Variants in OSBPL10 observed in about 807,000 individuals in gnomAD.
OSBPL10 encodes oxysterol-binding protein-related protein 10.
In OSBPL10, 49 loss-of-function variants were observed where a neutral mutation model predicts 81.7. The ratio of observed to expected loss-of-function variants is 0.60; its 90% CI spans 0.48 to 0.76. OSBPL10 has a LOEUF of 0.76. Ranked by LOEUF, OSBPL10 falls within the 30% of genes least tolerant of loss-of-function variation. The probability of loss-of-function intolerance (pLI) is 0.00; values close to 1 mark genes in which losing one functional copy is unlikely to be tolerated. For missense variants in OSBPL10, 923 were observed against 987.8 expected (o/e 0.93, Z 0.88); for synonymous variants, 419 against 383.6 (o/e 1.09, Z -1.08).
intron 4 of OSBPL10, among the ~76,000 whole-genome samples, chr3:31,766,541 T>C (rs148002884): frequency 1.8e-4 from 28 of 152,078 alleles, no homozygotes; most frequent in African/African-American, 6.7e-4. Context: ...GGTCTCATTA[T>C]GTTGCCCAGG....
chr3:31,682,622 T>C (rs945772119), intron 8 of OSBPL10, among the ~76,000 whole-genome samples: 3 of 152,208 alleles, frequency 2.0e-5, no homozygotes, highest in Non-Finnish European at 4.4e-5. Flanking sequence ...AAAGCTCAAC[T>C]GCCCTCTCCC....
At chr3:31,695,602 C>T (rs896989470) in intron 7 of OSBPL10, among the ~76,000 whole-genome samples, 1 of 152,184 alleles carries the variant, frequency 6.6e-6, no homozygotes, top group African/African-American at 2.4e-5. Context: ...CTGTTTAATC[C>T]AGCCCCTCAC....
chr3:31,678,915 T>A (rs554979423), intron 8 of OSBPL10, among the ~76,000 whole-genome samples: 2 of 152,138 alleles, frequency 1.3e-5, no homozygotes, highest in South Asian at 4.2e-4. Flanking sequence ...GCCTTCAGTC[T>A]ATTCTTCACT....
chr3:31,805,444 A>G (rs1699495920), intron 4 of OSBPL10, among the ~76,000 whole-genome samples: 1 of 152,174 alleles, frequency 6.6e-6, no homozygotes, highest in African/African-American at 2.4e-5. Flanking sequence ...CTGAAAGAAA[A>G]CTAGTCAATG....
chr3:31,972,051 T>G (rs1016918752), intron 1 of OSBPL10, among the ~76,000 whole-genome samples: 1 of 152,112 alleles, frequency 6.6e-6, no homozygotes, highest in Admixed American at 6.5e-5. Context: ...AAGAGGAGTA[T>G]GTTTGGGGGA....
intron 1 of OSBPL10, among the ~76,000 whole-genome samples, chr3:31,965,655 A>G (rs1201796315): frequency 1.4e-5 from 1 of 71,862 alleles, no homozygotes; most frequent in East Asian, 5.5e-4. Flanking sequence ...ATTATATATT[A>G]TATATTATAT....
intron 1 of OSBPL10, among the ~76,000 whole-genome samples, chr3:31,883,770 C>G (rs868692622): frequency 1.3e-5 from 2 of 152,108 alleles, no homozygotes; most frequent in East Asian, 3.9e-4. Flanking sequence ...GTGATCCACC[C>G]GCCTCGGCCT....
intron 1 of OSBPL10, among the ~76,000 whole-genome samples, chr3:31,898,785 T>C (rs1696138856): frequency 6.6e-6 from 1 of 152,026 alleles, no homozygotes; most frequent in East Asian, 1.9e-4. Context: ...AATAAAATGG[T>C]AAACAAAGGC....
chr3:31,747,682 C>T (rs1057044179), intron 5 of OSBPL10, among the ~76,000 whole-genome samples: 1 of 151,960 alleles, frequency 6.6e-6, no homozygotes, highest in Non-Finnish European at 1.5e-5. Context: ...AGAGGAAGGG[C>T]AGGAGAGATT....
chr3:31,663,492 A>G (rs1322219534), intron 11 of OSBPL10: 5 of 993,156 alleles, frequency 5.0e-6, no homozygotes, highest in Non-Finnish European at 4.8e-6. Context: ...TCAGCTGGGC[A>G]CACAGTGCCC....
chr3:31,665,328 G>A (rs1256942475), intron 10 of OSBPL10, among the ~76,000 whole-genome samples: 2 of 152,218 alleles, frequency 1.3e-5, no homozygotes, highest in Non-Finnish European at 2.9e-5. Context: ...GCCAGGTGGT[G>A]GAGATTCCCT....
upstream of OSBPL10, among the ~76,000 whole-genome samples, chr3:31,983,481 G>T (rs1374413791): frequency 2.0e-5 from 3 of 152,214 alleles, no homozygotes; most frequent in Non-Finnish European, 4.4e-5. Context: ...CAGTTCAAGT[G>T]GGGAAGGAAC....
intron 2 of OSBPL10, among the ~76,000 whole-genome samples, chr3:32,025,915 C>G (rs1699401132): frequency 6.6e-6 from 1 of 152,158 alleles, no homozygotes; most frequent in African/African-American, 2.4e-5. Flanking sequence ...CTCCATCAGC[C>G]AGGGTTGTGT....
At chr3:31,716,762 A>G (rs2125628666) in intron 6 of OSBPL10, among the ~76,000 whole-genome samples, 1 of 152,320 alleles carries the variant, frequency 6.6e-6, no homozygotes, top group East Asian at 1.9e-4. Flanking sequence ...TCAACATTAG[A>G]CAAGGTTCCA....
At chr3:31,958,907 C>A (rs897967760) in intron 1 of OSBPL10, among the ~76,000 whole-genome samples, 4 of 152,120 alleles carry the variant, frequency 2.6e-5, no homozygotes, top group Non-Finnish European at 4.4e-5. Context: ...TACAAAAAAA[C>A]CTTTCTAACC....
intron 1 of OSBPL10, among the ~76,000 whole-genome samples, chr3:31,921,277 TA>T (rs1696904846): frequency 1.3e-5 from 2 of 152,156 alleles, no homozygotes; most frequent in South Asian, 4.1e-4. Flanking sequence ...AAAAAAATGA[TA>T]ACCCCATGGC....
At chr3:31,868,844 A>G (rs1701247598) in intron 3 of OSBPL10, among the ~76,000 whole-genome samples, 1 of 152,350 alleles carries the variant, frequency 6.6e-6, no homozygotes, top group Admixed American at 6.5e-5. Flanking sequence ...AGCACTATTC[A>G]TAAATTTCTC....
chr3:31,807,013 G>A (rs72861333), intron 4 of OSBPL10, among the ~76,000 whole-genome samples: 1,902 of 152,274 alleles, frequency 0.012, 46 homozygotes, highest in African/African-American at 0.043. Context: ...ACAGGATTTA[G>A]GATTTTACTA....
At position 31,756,267 on chromosome 3, in the gene OSBPL10, T is replaced by C. The variant is rs531529646; in HGVS notation, c.730-8147A>G. On this transcript the variant is annotated intron_variant, in intron 4 of 11. Transcript: ENST00000396556. Reference sequence around the variant, plus strand: ...TTCCTCGTATTTCTTTCATATATTCTAGAAGCAAAAAACTATCTCCTGCCT... The same window carrying C: ...TTCCTCGTATTTCTTTCATATATTCCAGAAGCAAAAAACTATCTCCTGCCT... Among the ~76,000 whole-genome samples the C allele has an allele frequency of 3.3e-5, 5 of 152,286 alleles. No homozygotes were observed. In the East Asian group the frequency reaches 7.7e-4, roughly 24 times the overall value.
Sources: allele counts gnomAD v4.1 joint callset (sites outside exome capture counted in the v4.1 genomes callset), GRCh38; gene constraint gnomAD v4.1.1; transcripts MANE v1.5; gene names NCBI Gene and HGNC (gene_info 2026-07-23, HGNC 2026-07-21).